NRXN3: variants seen among roughly 807,000 people sequenced by gnomAD.
NRXN3 encodes neurexin 3, also known as neurexin III.
In NRXN3, 32 loss-of-function variants were observed where a neutral mutation model predicts 137.6. The observed-to-expected ratio is 0.23, with a 90% confidence interval of 0.18 to 0.31. The LOEUF is 0.31. NRXN3 is among the 10% of genes least tolerant of loss of function. NRXN3 has a pLI of 1.00. For synonymous variants in NRXN3, 798 were observed against 784.5 expected (o/e 1.02, Z -0.29); for missense variants, 1,574 against 2,062.5 (o/e 0.76, Z 4.59).
chr14:78,203,317 TTG>T (rs762648567), intron 1 of NRXN3, among the ~76,000 whole-genome samples: 12 of 152,168 alleles, frequency 7.9e-5, no homozygotes, highest in Non-Finnish European at 1.6e-4. Flanking sequence ...TAATTACTCA[TTG>T]TTGGCATTTT....
chr14:79,300,979 A>G (rs910589480), intron 15 of NRXN3, among the ~76,000 whole-genome samples: 2 of 152,108 alleles, frequency 1.3e-5, no homozygotes, highest in Non-Finnish European at 2.9e-5. Context: ...ACACGCCTAT[A>G]TTGCATTATT....
At chr14:79,765,292 A>C (rs1168506202) in intron 19 of NRXN3, among the ~76,000 whole-genome samples, 1 of 152,208 alleles carries the variant, frequency 6.6e-6, no homozygotes, top group African/African-American at 2.4e-5. Context: ...GAGTATAATA[A>C]ATAGAAACGT....
intron 17 of NRXN3, among the ~76,000 whole-genome samples, chr14:79,685,148 CT>C (rs1449907800): frequency 3.3e-5 from 5 of 152,214 alleles, no homozygotes; most frequent in African/African-American, 1.2e-4. Flanking sequence ...TAGTTTAACT[CT>C]TCTGAATCAG....
At chr14:78,822,569 G>T (rs2098953758) in intron 10 of NRXN3, among the ~76,000 whole-genome samples, 1 of 151,936 alleles carries the variant, frequency 6.6e-6, no homozygotes, top group African/African-American at 2.4e-5. Flanking sequence ...CAGCTACTTG[G>T]GAGGCTGAGG....
intron 1 of NRXN3, among the ~76,000 whole-genome samples, chr14:78,208,204 T>G (rs903296331): frequency 1.4e-4 from 21 of 152,260 alleles, no homozygotes; most frequent in African/African-American, 4.3e-4. Context: ...GTACTACTTA[T>G]GTAGCATTTA....
At chr14:78,573,748 A>T (rs905059762) in intron 4 of NRXN3, among the ~76,000 whole-genome samples, 3 of 152,234 alleles carry the variant, frequency 2.0e-5, no homozygotes, top group African/African-American at 7.2e-5. Context: ...AGTTTGGGAA[A>T]TTTGCAGCCT....
chr14:79,629,101 G>C (rs1359780977), intron 16 of NRXN3, among the ~76,000 whole-genome samples: 1 of 152,270 alleles, frequency 6.6e-6, no homozygotes, highest in South Asian at 2.1e-4. Flanking sequence ...GCATTTAAAG[G>C]TGATGATTAA....
intron 4 of NRXN3, among the ~76,000 whole-genome samples, chr14:78,472,724 AAG>A (rs1349283798): frequency 6.6e-6 from 1 of 152,216 alleles, no homozygotes; most frequent in Middle Eastern, 3.4e-3. Flanking sequence ...TGTCCTCTAA[AAG>A]AAGCGTTGGA....
At chr14:79,625,346 A>C (rs2098270917) in intron 16 of NRXN3, among the ~76,000 whole-genome samples, 1 of 152,230 alleles carries the variant, frequency 6.6e-6, no homozygotes, top group South Asian at 2.1e-4. Context: ...GAAAATAACT[A>C]TAAAGACATG....
chr14:79,107,134 A>G (rs1326888209), intron 15 of NRXN3, among the ~76,000 whole-genome samples: 1 of 152,194 alleles, frequency 6.6e-6, no homozygotes, highest in Non-Finnish European at 1.5e-5. Context: ...AGCTTATAAT[A>G]TTCTGCTGGA....
At chr14:79,581,653 C>T (rs1479145999) in intron 16 of NRXN3, among the ~76,000 whole-genome samples, 1 of 152,164 alleles carries the variant, frequency 6.6e-6, no homozygotes, top group Non-Finnish European at 1.5e-5. Flanking sequence ...TTATATTTCT[C>T]CCAGTTGGTA....
At chr14:78,580,833 G>A (rs983699761) in intron 4 of NRXN3, among the ~76,000 whole-genome samples, 1 of 152,190 alleles carries the variant, frequency 6.6e-6, no homozygotes, top group Non-Finnish European at 1.5e-5. Context: ...GAGCCCAAAG[G>A]GCTTTTGTCA....
rs149819575 is a variant in NRXN3, at chr14:79,268,833, C to T, written c.3263-198388C>T. Among the ~76,000 whole-genome samples the T allele has an allele frequency of 7.0e-4, 107 of 152,242 alleles. 1 individual carries two copies. The highest frequency in any genetic ancestry group is 2.4e-3 in the African/African-American group (101 of 41,544). ...CTTATAATAATATATATCTTATACA[C>T]ATTAATCAAGTATTGGTTATTATTA... On this transcript the variant is annotated intron_variant, in intron 15 of 20. Coordinates refer to ENST00000335750, the MANE Select transcript of NRXN3 (RefSeq NM_001330195.2).
At chr14:78,490,190 GGT>G (rs1166604863) in intron 4 of NRXN3, among the ~76,000 whole-genome samples, 1 of 24,032 alleles carries the variant, frequency 4.2e-5, no homozygotes, top group African/African-American at 2.5e-4. Flanking sequence ...TGGGATTACA[GGT>G]GTGATCCACC....
At chr14:78,204,427 C>A (rs1325757704) in intron 1 of NRXN3, among the ~76,000 whole-genome samples, 4 of 151,854 alleles carry the variant, frequency 2.6e-5, no homozygotes, top group African/African-American at 9.7e-5. Flanking sequence ...GATCTCCACC[C>A]TAAGAAAAAA....
At chr14:78,411,350 G>C (rs954515196) in intron 4 of NRXN3, among the ~76,000 whole-genome samples, 9 of 152,158 alleles carry the variant, frequency 5.9e-5, no homozygotes, top group African/African-American at 2.2e-4. Flanking sequence ...CAGTGGAGGG[G>C]TTCTGATTAA....
chr14:78,179,926 A>G lies in NRXN3; in HGVS notation c.-704+9252A>G, dbSNP rs77015571. On this transcript the variant is annotated intron_variant, in intron 1 of 20. Coordinates refer to ENST00000335750, the MANE Select transcript of NRXN3 (RefSeq NM_001330195.2). ...AGTGGCTTGATCTTGGCTCACTGCA[A>G]TCTTTGCCTCCTGGGTTCAAGGGAT... 3.7e-3 allele frequency among the ~76,000 whole-genome samples: 547 copies of G among 148,582 alleles called. 28 individuals are homozygous for G. In the East Asian group the frequency reaches 0.096, roughly 26 times the overall value.
intron 1 of NRXN3, among the ~76,000 whole-genome samples, chr14:78,210,354 C>G (rs145622395): frequency 6.6e-6 from 1 of 152,164 alleles, no homozygotes; most frequent in East Asian, 1.9e-4. Flanking sequence ...AGGCTCCACC[C>G]TCGTGACCCA....
chr14:79,360,833 A>G (rs974417995), intron 15 of NRXN3, among the ~76,000 whole-genome samples: 4 of 152,254 alleles, frequency 2.6e-5, no homozygotes, highest in African/African-American at 9.6e-5. Context: ...TTTGAACCTC[A>G]GTGTCCTCAT....
Sources: allele counts gnomAD v4.1 joint callset (sites outside exome capture counted in the v4.1 genomes callset), GRCh38; gene constraint gnomAD v4.1.1; transcripts MANE v1.5; gene names NCBI Gene and HGNC (gene_info 2026-07-23, HGNC 2026-07-21).